CDYL2: variants seen among roughly 807,000 people sequenced by gnomAD.
CDYL2 encodes the protein chromodomain Y-like protein 2.
Under a neutral mutation model 49.4 loss-of-function variants are expected in CDYL2, and 23 were observed. That is an observed-to-expected ratio of 0.47 (90% confidence interval 0.34 to 0.66). The LOEUF (loss-of-function observed/expected upper bound fraction) is 0.66, where lower values mean the gene tolerates loss of function less well. Among genes scored for constraint, CDYL2 ranks in the 30% least tolerant of loss-of-function variants. The pLI is 0.01. For synonymous variants in CDYL2, 360 were observed against 268.8 expected (o/e 1.34, Z -3.32); for missense variants, 678 against 656.4 (o/e 1.03, Z -0.36).
intron 1 of CDYL2, among the ~76,000 whole-genome samples, chr16:80,785,666 G>T (rs548017375): frequency 6.6e-6 from 1 of 152,148 alleles, no homozygotes; most frequent in Admixed American, 6.5e-5. Flanking sequence ...ACAATCTGGA[G>T]CAAGAAGAAC....
At chr16:80,797,135 T>C (rs948001225) in intron 1 of CDYL2, among the ~76,000 whole-genome samples, 1 of 152,208 alleles carries the variant, frequency 6.6e-6, no homozygotes, top group African/African-American at 2.4e-5. Flanking sequence ...TTAATTATAA[T>C]CTACATACTA....
chr16:80,759,124 A>ATATATATATGGTT lies in CDYL2; in HGVS notation c.24+45025_24+45026insAACCATATATATA, dbSNP rs1906433165. On this transcript the variant is annotated intron_variant, in intron 1 of 6. Transcript: ENST00000570137. ...ATACTATATATATATATATATATAT[A>ATATATATATGGTT]TATATATATATATATGGTTTATATA... Among the ~76,000 whole-genome samples, 4 of 133,220 alleles carry ATATATATATGGTT rather than the reference A, an allele frequency of 3.0e-5. 1 individual carries two copies. In the Admixed American group the frequency reaches 3.0e-4, roughly 10 times the overall value. 87.4% of individuals were successfully genotyped at this position (133,220 alleles called of 152,430 possible).
Position 80,620,924 on chromosome 16 carries a change from T to G in CDYL2, c.846A>C (p.Glu282Asp), listed in dbSNP as rs978792477. Residue 282 changes from glutamate (E) to aspartate (D), a missense_variant, in exon 4 of 7, where the codon GAA becomes GAC. Transcript: ENST00000570137. ...CTGCGTTGCAGAGCGCTCGCCGGAC[T>G]TCTTTCATGATCTGCCGGCAGAGAT... is the stretch of plus-strand genomic sequence containing the variant. ...NNALTPEIMK[E>D]VRRALCNAAT... is the part of the protein sequence containing the mutation. 1.3e-6 allele frequency: 2 copies of G among 1,599,290 alleles called. No homozygotes were observed. Among genetic ancestry groups the G allele is most frequent in the Non-Finnish European group, 1.7e-6 (2 of 1,170,316 alleles).
chr16:80,780,397 C>CTTTTTTTTTT (rs1022730941), intron 1 of CDYL2, among the ~76,000 whole-genome samples: 2 of 105,354 alleles, frequency 1.9e-5, no homozygotes, highest in Non-Finnish European at 3.7e-5. Context: ...TGCACAATAT[C>CTTTTTTTTTT]TTTTTTTTTT....
At chr16:80,759,825 A>G (rs9928152) in intron 1 of CDYL2, among the ~76,000 whole-genome samples, 7,365 of 152,276 alleles carry the variant, frequency 0.048, 210 homozygotes, top group Admixed American at 0.085. Flanking sequence ...TAAGACCAGG[A>G]AACTACCAGG....
intron 2 of CDYL2, among the ~76,000 whole-genome samples, chr16:80,655,623 G>C (rs1908773171): frequency 6.6e-6 from 1 of 152,160 alleles, no homozygotes; most frequent in African/African-American, 2.4e-5. Context: ...CATGAAACTA[G>C]CAGAGGCAAA....
rs557905109 is a variant in CDYL2, at chr16:80,685,749, C to T, written c.25-620G>A. Among the ~76,000 whole-genome samples, 4 of 152,274 alleles carry T rather than the reference C, an allele frequency of 2.6e-5. 1 individual carries two copies. Among genetic ancestry groups the T allele is most frequent in the African/African-American group, 9.6e-5 (4 of 41,554 alleles). Reference sequence around the variant, plus strand: ...CCAATTTACAGTCAGAGAACGAGGGCTCAGAGAGACCAAGTAACTTAACCA... The same window carrying T: ...CCAATTTACAGTCAGAGAACGAGGGTTCAGAGAGACCAAGTAACTTAACCA... On this transcript the variant is annotated intron_variant, in intron 1 of 6. Transcript: ENST00000570137.
chr16:80,602,658 C>G lies in CDYL2; in HGVS notation c.*1730G>C, dbSNP rs1906142483. Reference sequence around the variant, plus strand: ...TCTAAGCCTGCCTCACCTCCATAAGCTGTGCCCACTTCTTGCTGCCTTATT... The same window carrying G: ...TCTAAGCCTGCCTCACCTCCATAAGGTGTGCCCACTTCTTGCTGCCTTATT... On this transcript the variant is annotated 3_prime_UTR_variant, in exon 7 of 7. Coordinates refer to ENST00000570137, the MANE Select transcript of CDYL2 (RefSeq NM_152342.4). The G allele has an allele frequency of 6.6e-6, 1 of 152,178 alleles. No homozygotes were observed. Among genetic ancestry groups the G allele is most frequent in the African/African-American group, 2.4e-5 (1 of 41,410 alleles). The allele number at this position is 152,178 out of a possible 1,614,324, so 9.4% of individuals were successfully genotyped here. A position where few individuals can be genotyped will look rare whatever the true frequency, so the allele number is the denominator to read the frequency against.
At chr16:80,718,338 T>C (rs1462919269) in intron 1 of CDYL2, among the ~76,000 whole-genome samples, 2 of 152,216 alleles carry the variant, frequency 1.3e-5, no homozygotes, top group Non-Finnish European at 2.9e-5. Flanking sequence ...ACTCACATAA[T>C]AGTTAAAACT....
At chr16:80,727,743 G>A (rs528758737) in intron 1 of CDYL2, among the ~76,000 whole-genome samples, 3 of 152,176 alleles carry the variant, frequency 2.0e-5, no homozygotes, top group South Asian at 4.1e-4. Context: ...AGCACGCAGC[G>A]GGAGATCTGA....
At chr16:80,676,451 T>C (rs2142460318) in intron 2 of CDYL2, among the ~76,000 whole-genome samples, 1 of 152,260 alleles carries the variant, frequency 6.6e-6, no homozygotes, top group South Asian at 2.1e-4. Context: ...CTCTCAGTGG[T>C]TCACCAGATA....
At chr16:80,722,639 A>G (rs1234626324) in intron 1 of CDYL2, among the ~76,000 whole-genome samples, 3 of 152,330 alleles carry the variant, frequency 2.0e-5, no homozygotes, top group African/African-American at 4.8e-5. Context: ...AAGTTGCCCA[A>G]GGTTACAGAG....
At chr16:80,774,843 TG>T (rs1187060879) in intron 1 of CDYL2, among the ~76,000 whole-genome samples, 2 of 150,858 alleles carry the variant, frequency 1.3e-5, no homozygotes, top group African/African-American at 4.9e-5. Context: ...GTAAGATACA[TG>T]AAGAGGCCAG....
intron 1 of CDYL2, among the ~76,000 whole-genome samples, chr16:80,713,223 G>A (rs1176154690): frequency 2.0e-5 from 3 of 152,204 alleles, no homozygotes; most frequent in African/African-American, 7.2e-5. Flanking sequence ...TAAGCGCTAG[G>A]TGGCTGGAAA....
chr16:80,662,702 A>G (rs1204335655), intron 2 of CDYL2: 11 of 455,254 alleles, frequency 2.4e-5, no homozygotes, highest in Non-Finnish European at 4.4e-5. Context: ...GGCTATTGAA[A>G]TTTTAATTTT....
chr16:80,769,730 T>C (rs927218812), intron 1 of CDYL2, among the ~76,000 whole-genome samples: 2 of 152,226 alleles, frequency 1.3e-5, no homozygotes, highest in Non-Finnish European at 2.9e-5. Flanking sequence ...ATAGCATGCC[T>C]TTATAGAGAC....
chr16:80,799,249 A>T (rs539337027), intron 1 of CDYL2, among the ~76,000 whole-genome samples: 117 of 152,302 alleles, frequency 7.7e-4, no homozygotes, highest in African/African-American at 2.7e-3. Flanking sequence ...TAGTTCTCTT[A>T]GATATTATTT....
chr16:80,777,608 A>C (rs1204944099), intron 1 of CDYL2, among the ~76,000 whole-genome samples: 1 of 152,130 alleles, frequency 6.6e-6, no homozygotes, highest in African/African-American at 2.4e-5. Flanking sequence ...TGTTAAAATA[A>C]GAATAAAATG....
intron 1 of CDYL2, among the ~76,000 whole-genome samples, chr16:80,715,847 G>A (rs1213612019): frequency 6.6e-6 from 1 of 152,096 alleles, no homozygotes; most frequent in African/African-American, 2.4e-5. Flanking sequence ...TCAGTGCCTG[G>A]CCCTTGTGCC....
Sources: gnomAD v4.1 joint callset for allele counts (sites outside exome capture counted in the v4.1 genomes callset) on GRCh38, gnomAD v4.1.1 for gene constraint, MANE v1.5 for transcripts, NCBI Gene and HGNC (gene_info 2026-07-23, HGNC 2026-07-21) for gene names.